RNF10: variants seen among roughly 807,000 people sequenced by gnomAD.
The protein encoded by RNF10 is ring finger protein 10, also known as E3 ubiquitin-protein ligase RNF10.
Under a neutral mutation model 91.4 loss-of-function variants are expected in RNF10, and 38 were observed. That is an observed-to-expected ratio of 0.42 (90% confidence interval 0.32 to 0.54). The LOEUF is 0.54. Among genes scored for constraint, RNF10 ranks in the 20% least tolerant of loss-of-function variants. RNF10 has a pLI of 0.16. For missense variants in RNF10, 945 were observed against 1,012.0 expected (o/e 0.93, Z 0.90); for synonymous variants, 364 against 366.3 (o/e 0.99, Z 0.07).
Position 120,552,428 on chromosome 12 carries a change from T to G in RNF10, c.355-71T>G, listed in dbSNP as rs1873245467. Reference sequence around the variant, plus strand: ...AAAAAAAGCTGTGTAAAAGGAGGGTTTTTTTTGGGTTTCTGCTATAAATCA... The same window carrying G: ...AAAAAAAGCTGTGTAAAAGGAGGGTGTTTTTTGGGTTTCTGCTATAAATCA... On this transcript the variant is annotated intron_variant, in intron 2 of 16. Coordinates refer to ENST00000325954, the MANE Select transcript of RNF10 (RefSeq NM_014868.5). The G allele has an allele frequency of 3.7e-6, 5 of 1,361,304 alleles. No individual in the cohort carries two copies. In the Admixed American group the frequency reaches 8.3e-5, roughly 23 times the overall value. The allele number at this position is 1,361,304 out of a possible 1,614,324, so 84.3% of individuals were successfully genotyped here. A position where few individuals can be genotyped will look rare whatever the true frequency, so the allele number is the denominator to read the frequency against.
At chr12:120,543,540 G>A (rs949865337) in intron 1 of RNF10, among the ~76,000 whole-genome samples, 2 of 152,172 alleles carry the variant, frequency 1.3e-5, no homozygotes, top group African/African-American at 2.4e-5. Context: ...GATGGCTCAC[G>A]CCTGTAATCC....
At chr12:120,553,015 C>T (rs1158464087) in intron 3 of RNF10, among the ~76,000 whole-genome samples, 2 of 136,596 alleles carry the variant, frequency 1.5e-5, no homozygotes, top group Admixed American at 7.5e-5. Context: ...GATTTAGCCT[C>T]TCCTTTATAA....
At chr12:120,571,881 G>T (rs1224658827) in intron 14 of RNF10, among the ~76,000 whole-genome samples, 1 of 152,110 alleles carries the variant, frequency 6.6e-6, no homozygotes, top group Non-Finnish European at 1.5e-5. Flanking sequence ...CTGGGTGGGG[G>T]AACGATAGGC....
chr12:120,544,009 C>T (rs1195797024), intron 1 of RNF10, among the ~76,000 whole-genome samples: 2 of 151,778 alleles, frequency 1.3e-5, no homozygotes, highest in Non-Finnish European at 1.5e-5. Flanking sequence ...GAGTGGATCA[C>T]TTGAGGTCAG....
chr12:120,572,908 T>TTTC (rs1341650457), intron 14 of RNF10, among the ~76,000 whole-genome samples: 1 of 149,544 alleles, frequency 6.7e-6, no homozygotes, highest in Admixed American at 6.6e-5. Context: ...GCCTTTTTTT[T>TTTC]TTTTTTTTTT....
intron 8 of RNF10, 111 bp downstream of exon 8, chr12:120,563,181 A>G: frequency 6.6e-7 from 1 of 1,521,386 alleles, no homozygotes; most frequent in Admixed American, 1.7e-5. Context: ...GACAATGAGT[A>G]TTTTCTGTAT....
At chr12:120,562,886 C>T (rs1209237264) in intron 7 of RNF10, 59 bp from the exon 8 acceptor site, 10 of 1,608,702 alleles carry the variant, frequency 6.2e-6, no homozygotes, top group Admixed American at 1.7e-5. Flanking sequence ...CCTTGCCCTT[C>T]AAGCTAAGTG....
rs1225946314 is a variant in RNF10 at position 120,534,806 on chromosome 12, C to G, written c.-6C>G. 8 of 1,567,612 alleles carry G rather than the reference C, an allele frequency of 5.1e-6. No homozygotes were observed. Among genetic ancestry groups the G allele is most frequent in the South Asian group, 2.3e-5 (2 of 86,822 alleles). ...CCGACTGCCGTCGCCGCCGAGGCCC[C>G]CGTTGATGCCGCTGAGCTCCCCCAA... is the stretch of plus-strand genomic sequence containing the variant. On this transcript the variant is annotated 5_prime_UTR_variant, in exon 1 of 17. Transcript: ENST00000325954.
chr12:120,570,465 G>A (rs1412123480), intron 13 of RNF10, among the ~76,000 whole-genome samples: 2 of 152,080 alleles, frequency 1.3e-5, no homozygotes. Context: ...GGATTACAGC[G>A]GGAGCCACCG....
chr12:120,556,104 A>G (rs1873963149), intron 4 of RNF10, among the ~76,000 whole-genome samples: 1 of 152,072 alleles, frequency 6.6e-6, no homozygotes, highest in Admixed American at 6.6e-5. Flanking sequence ...TGCACTTTCA[A>G]AGCCACTGAT....
chr12:120,551,508 AG>A (rs1224123850), intron 2 of RNF10, among the ~76,000 whole-genome samples: 3 of 151,270 alleles, frequency 2.0e-5, no homozygotes, highest in Non-Finnish European at 4.4e-5. Flanking sequence ...CATATTGCCC[AG>A]GCTGGTCTTG....
intron 1 of RNF10, among the ~76,000 whole-genome samples, chr12:120,544,326 T>C (rs1413540356): frequency 7.4e-6 from 1 of 134,378 alleles, no homozygotes; most frequent in Non-Finnish European, 1.6e-5. Flanking sequence ...TGGAAACCAA[T>C]CAGGGTAACA....
In RNF10 at chr12:120,557,600, G is replaced by T; in HGVS notation, c.885G>T (p.Gln295His). 1 of 1,614,182 alleles carries T rather than the reference G, an allele frequency of 6.2e-7. No individual in the cohort carries two copies. Among genetic ancestry groups the T allele is most frequent in the African/African-American group, 1.3e-5 (1 of 75,054 alleles). The change falls in exon 6 of 17, where the codon CAG becomes CAT. Residue 295 changes from glutamine to histidine, a missense_variant. Coordinates refer to ENST00000325954, the MANE Select transcript of RNF10 (RefSeq NM_014868.5). Reference protein sequence around the residue: ...QYVVGDTITMQLMKREKGVLV... With the variant: ...QYVVGDTITMHLMKREKGVLV... ...TTGTTGGTGATACCATTACGATGCA[G>T]CTGATGAAGAGGGAGAAAGGGGTGT...
rs989920540 is a variant in RNF10 at position 120,563,098 on chromosome 12, T to G, written c.1254+28T>G. On this transcript the variant is annotated intron_variant, in intron 8 of 16. Transcript: ENST00000325954. ...TAGTGTGTTCCTGTTACTAAGTGGC[T>G]GCCGTTCCTCAAATGCTGTCATTGA... 3 of 1,613,712 alleles carry G rather than the reference T, an allele frequency of 1.9e-6. No homozygotes were observed. In the African/African-American group the frequency reaches 4.0e-5, roughly 22 times the overall value.
At chr12:120,535,013 T>C in intron 1 of RNF10, 45 bp downstream of exon 1, 3 of 1,531,284 alleles carry the variant, frequency 2.0e-6, no homozygotes, top group Non-Finnish European at 1.7e-6. Context: ...CTGCCCCTGC[T>C]GCTGGGGAGA....
chr12:120,557,832 T>G, intron 6 of RNF10, 150 bp downstream of exon 6: 1 of 827,746 alleles, frequency 1.2e-6, no homozygotes, highest in East Asian at 2.5e-5. Context: ...TAGGGTGGGG[T>G]TTGTAGAGAG....
chr12:120,543,837 A>G (rs1025107173), intron 1 of RNF10, among the ~76,000 whole-genome samples: 1 of 151,758 alleles, frequency 6.6e-6, no homozygotes, highest in Middle Eastern at 3.4e-3. Context: ...GTGGTGGTGC[A>G]CACCTGCAGT....
intron 1 of RNF10, among the ~76,000 whole-genome samples, chr12:120,541,151 C>A (rs1165066016): frequency 6.6e-6 from 1 of 152,206 alleles, no homozygotes; most frequent in Non-Finnish European, 1.5e-5. Context: ...GCCACCGTGT[C>A]TGGCCATTTT....
At chr12:120,569,986 G>A (rs866712346) in intron 13 of RNF10, among the ~76,000 whole-genome samples, 48 of 152,172 alleles carry the variant, frequency 3.2e-4, no homozygotes, top group Middle Eastern at 3.4e-3. Flanking sequence ...TCCCCCTCGC[G>A]GGTTCAAGCG....
Sources: allele counts gnomAD v4.1 joint callset (sites outside exome capture counted in the v4.1 genomes callset), GRCh38; gene constraint gnomAD v4.1.1; transcripts MANE v1.5; gene names NCBI Gene and HGNC (gene_info 2026-07-23, HGNC 2026-07-21).